STAB2: variants seen among roughly 807,000 people sequenced by gnomAD.
STAB2 encodes the protein stabilin 2, also known as stabilin-2.
Under a neutral mutation model 338.1 loss-of-function variants are expected in STAB2, and 288 were observed. The ratio of observed to expected loss-of-function variants is 0.85; its 90% CI spans 0.77 to 0.94. The LOEUF (loss-of-function observed/expected upper bound fraction) is 0.94. Among genes scored for constraint, STAB2 ranks in the 40% least tolerant of loss-of-function variants. STAB2 has a pLI of 0.00. For missense variants in STAB2, 3,141 were observed against 3,210.1 expected, an observed-to-expected ratio of 0.98 and a Z score of 0.52; for synonymous variants, 1,202 against 1,193.3, an observed-to-expected ratio of 1.01 and a Z score of -0.15.
chr12:103,656,743 G>A (rs1874212399), intron 15 of STAB2, among the ~76,000 whole-genome samples: 1 of 144,380 alleles, frequency 6.9e-6, no homozygotes, highest in East Asian at 2.0e-4. Context: ...GCGGACTGCA[G>A]TGGCGCAATC....
intron 25 of STAB2, among the ~76,000 whole-genome samples, chr12:103,681,917 C>T (rs955283544): frequency 1.3e-5 from 2 of 152,094 alleles, no homozygotes; most frequent in African/African-American, 4.8e-5. Flanking sequence ...ACTGGTCTTA[C>T]TGGATTCAAG....
intron 3 of STAB2, among the ~76,000 whole-genome samples, chr12:103,615,615 C>T (rs1181972160): frequency 6.6e-6 from 1 of 152,156 alleles, no homozygotes; most frequent in Admixed American, 6.5e-5. Context: ...GGCTCGCATA[C>T]TGTATTAGTC....
intron 68 of STAB2, 91 bp downstream of exon 68, chr12:103,763,699 A>G: frequency 8.4e-7 from 1 of 1,186,896 alleles, no homozygotes; most frequent in South Asian, 1.4e-5. Context: ...CTTTGTACCA[A>G]AGAAGGTTCA....
intron 12 of STAB2, among the ~76,000 whole-genome samples, chr12:103,654,073 A>G (rs1241492009): frequency 1.3e-5 from 2 of 152,242 alleles, no homozygotes; most frequent in Non-Finnish European, 2.9e-5. Flanking sequence ...TTGCTTTCTC[A>G]CAAGGATATG....
intron 56 of STAB2, among the ~76,000 whole-genome samples, chr12:103,743,753 A>C (rs1882777009): frequency 6.6e-6 from 1 of 152,204 alleles, no homozygotes; most frequent in Non-Finnish European, 1.5e-5. Context: ...CCTCCAGGTG[A>C]GATGAGCAAG....
At chr12:103,619,222 C>T (rs1957259357) in intron 3 of STAB2, among the ~76,000 whole-genome samples, 1 of 152,128 alleles carries the variant, frequency 6.6e-6, no homozygotes, top group African/African-American at 2.4e-5. Flanking sequence ...AATGGGGGAA[C>T]ATTTCATCTT....
At chr12:103,736,223 C>T (rs1007688478) in intron 52 of STAB2, among the ~76,000 whole-genome samples, 3 of 152,176 alleles carry the variant, frequency 2.0e-5, no homozygotes, top group Admixed American at 6.5e-5. Context: ...TCTCTTTCTG[C>T]TCTGCAGCAC....
In STAB2 at chr12:103,612,479, G is replaced by C. The variant is rs1044275570; in HGVS notation, c.332-7989G>C. 5.9e-5 allele frequency among the ~76,000 whole-genome samples: 9 copies of C among 152,192 alleles called. 1 individual carries two copies. Among genetic ancestry groups the C allele is most frequent in the Admixed American group, 2.6e-4 (4 of 15,280 alleles). ...ACCCTTTCTTCCAGTTGATCAAATT[G>C]GCTACTGAAGCTTGTGCATGCATCA... On this transcript the variant is annotated intron_variant, in intron 3 of 68. Transcript: ENST00000388887.
intron 5 of STAB2, among the ~76,000 whole-genome samples, chr12:103,630,746 G>A (rs1208082708): frequency 2.6e-5 from 4 of 152,138 alleles, no homozygotes; most frequent in African/African-American, 9.7e-5. Context: ...AATAAAGATG[G>A]GCTCTAGAAG....
Position 103,676,001 on chromosome 12 carries a change from C to T in STAB2, c.2626C>T (p.Pro876Ser), listed in dbSNP as rs201717187. The part of the protein sequence containing the change: ...SEMDPCTGLT[P>S]GGCSRNAECI... ...GATGGACCCTTGCACAGGACTAACT[C>T]CAGGAGGCTGTAGCCGCAATGTGAG... The change falls in exon 24 of 69, where the codon CCA becomes TCA. Residue 876 changes from proline to serine, a missense_variant. Coordinates refer to ENST00000388887, the MANE Select transcript of STAB2 (RefSeq NM_017564.10). 8.1e-6 allele frequency: 13 copies of T among 1,611,432 alleles called. No homozygotes were observed. The East Asian group carries it at 1.1e-4, about 14-fold the overall frequency.
rs781171326 is a variant in STAB2 at position 103,715,844 on chromosome 12, G to A, written c.4567G>A (p.Gly1523Ser). 32 of 1,614,112 alleles carry A rather than the reference G, an allele frequency of 2.0e-5. No individual in the cohort carries two copies. The highest frequency in any genetic ancestry group is 2.6e-5 in the Non-Finnish European group (31 of 1,179,988). The change falls in exon 43 of 69, where the codon GGC becomes AGC. Residue 1523 changes from glycine (G) to serine (S), a missense_variant. Transcript: ENST00000388887. ...CAACCCGTGTTTGGAGAACCATGGTGGCTGTGACAAGAATGCGGAGTGCAC... is the reference window on the plus strand; with the variant it reads ...CAACCCGTGTTTGGAGAACCATGGTAGCTGTGACAAGAATGCGGAGTGCAC... ...EINPCLENHG[G>S]CDKNAECTQT...
Position 103,669,284 on chromosome 12 carries a change from G to T in STAB2, c.2173-257G>T, listed in dbSNP as rs150990191. ...GACTCTTCCCCAACTTAGAACGTTG[G>T]CTCCACAAGCATGAGCCTTCCTCTG... On this transcript the variant is annotated intron_variant, in intron 20 of 68. Transcript: ENST00000388887. The T allele has an allele frequency of 8.2e-3, 3,396 of 416,182 alleles. 15 individuals are homozygous for T. Among genetic ancestry groups the T allele is most frequent in the Non-Finnish European group, 0.011 (2,493 of 231,448 alleles). The allele number at this position is 416,182 out of a possible 1,614,324, so 25.8% of individuals were successfully genotyped here. A position where few individuals can be genotyped will look rare whatever the true frequency, so the allele number is the denominator to read the frequency against.
intron 60 of STAB2, among the ~76,000 whole-genome samples, chr12:103,752,003 G>A (rs1213131651): frequency 2.0e-5 from 3 of 152,118 alleles, no homozygotes; most frequent in South Asian, 2.1e-4. Context: ...TCATAGGAGG[G>A]CAAACTGCCT....
chr12:103,684,320 G>A (rs1378337031), intron 26 of STAB2, among the ~76,000 whole-genome samples: 6 of 152,210 alleles, frequency 3.9e-5, no homozygotes, highest in African/African-American at 1.4e-4. Context: ...TGGCCAAGAA[G>A]TGGGGTTGTT....
intron 39 of STAB2, among the ~76,000 whole-genome samples, chr12:103,710,101 T>TACTCC (rs1331017335): frequency 1.3e-5 from 2 of 152,180 alleles, no homozygotes; most frequent in Admixed American, 6.5e-5. Context: ...CTCCACTCCG[T>TACTCC]ACTCCCCACT....
chr12:103,668,686 G>A lies in STAB2; in HGVS notation c.2129G>A (p.Ser710Asn). 1 of 1,550,762 alleles carries A rather than the reference G, an allele frequency of 6.4e-7. No homozygotes were observed. The highest frequency in any genetic ancestry group is 8.7e-7 in the Non-Finnish European group (1 of 1,146,762). Residue 710 changes from serine (S) to asparagine (N), a missense_variant, in exon 20 of 69, where the codon AGC becomes AAC. Ser to Asn is a conservative substitution (Grantham distance 46). Transcript: ENST00000388887. ...HRCVYSGRFG[S>N]LKSGCARYCN... Reference sequence around the variant, plus strand: ...TGTGTCTACAGTGGCAGGTTTGGGAGCCTGAAGAGCGGCTGTGCCCGGTAC... The same window carrying A: ...TGTGTCTACAGTGGCAGGTTTGGGAACCTGAAGAGCGGCTGTGCCCGGTAC...
At chr12:103,673,509 C>T (rs548927765) in intron 22 of STAB2, among the ~76,000 whole-genome samples, 2 of 151,904 alleles carry the variant, frequency 1.3e-5, no homozygotes, top group East Asian at 1.9e-4. Flanking sequence ...CCATCATGCC[C>T]GGCTAATTTT....
At chr12:103,613,430 C>A (rs1485575783) in intron 3 of STAB2, among the ~76,000 whole-genome samples, 1 of 152,168 alleles carries the variant, frequency 6.6e-6, no homozygotes, top group East Asian at 1.9e-4. Context: ...GCAGTTTGAT[C>A]TCAGACTGCT....
chr12:103,724,445 C>G (rs1881021422), intron 44 of STAB2, among the ~76,000 whole-genome samples: 1 of 152,136 alleles, frequency 6.6e-6, no homozygotes, highest in Admixed American at 6.5e-5. Flanking sequence ...TGTAGAGGAA[C>G]ATGGGGTGAG....
Sources: gnomAD v4.1 joint callset for allele counts (sites outside exome capture counted in the v4.1 genomes callset) on GRCh38, gnomAD v4.1.1 for gene constraint, MANE v1.5 for transcripts, NCBI Gene and HGNC (gene_info 2026-07-23, HGNC 2026-07-21) for gene names.